ATL2: variants seen among roughly 807,000 people sequenced by gnomAD.
ATL2 encodes the protein atlastin GTPase 2.
ATL2 carries 31 observed loss-of-function variants against 73.9 expected under a neutral mutation model. The ratio of observed to expected loss-of-function variants is 0.42; its 90% CI spans 0.32 to 0.57. ATL2 has a LOEUF of 0.57. ATL2 is among the 20% of genes least tolerant of loss of function. The pLI, the probability that ATL2 is intolerant of heterozygous loss-of-function variation, is 0.14. For synonymous variants in ATL2, 291 were observed against 237.5 expected, an observed-to-expected ratio of 1.23 and a Z score of -2.07; for missense variants, 738 against 702.6, an observed-to-expected ratio of 1.05 and a Z score of -0.57.
intron 2 of ATL2, among the ~76,000 whole-genome samples, chr2:38,333,216 G>C (rs921900164): frequency 6.6e-6 from 1 of 151,902 alleles, no homozygotes; most frequent in Non-Finnish European, 1.5e-5. Context: ...CTGAGCCCAG[G>C]AGTTTGAGGC....
At chr2:38,332,862 G>T (rs1669079306) in intron 2 of ATL2, among the ~76,000 whole-genome samples, 1 of 152,096 alleles carries the variant, frequency 6.6e-6, no homozygotes, top group Non-Finnish European at 1.5e-5. Context: ...TATACAAAAT[G>T]TATCCTATTA....
chr2:38,304,079 C>T (rs1409989175), intron 9 of ATL2, among the ~76,000 whole-genome samples: 1 of 152,104 alleles, frequency 6.6e-6, no homozygotes, highest in African/African-American at 2.4e-5. Context: ...GCCTGTTAAA[C>T]ACAGCAAGGC....
chr2:38,366,416 T>C (rs1671333722), intron 1 of ATL2, among the ~76,000 whole-genome samples: 1 of 152,246 alleles, frequency 6.6e-6, no homozygotes, highest in Non-Finnish European at 1.5e-5. Context: ...CTCTATCTAA[T>C]TGCTTTTAAG....
upstream of ATL2, among the ~76,000 whole-genome samples, chr2:38,378,344 A>G (rs1316837647): frequency 6.6e-6 from 1 of 152,168 alleles, no homozygotes; most frequent in East Asian, 1.9e-4. Flanking sequence ...GGGTTCAAGC[A>G]ATTCTCTGCC....
At chr2:38,320,860 G>T (rs1052414711) in intron 2 of ATL2, among the ~76,000 whole-genome samples, 1 of 151,918 alleles carries the variant, frequency 6.6e-6, no homozygotes. Context: ...ACAAAACAGT[G>T]TCAGCCAGGC....
chr2:38,330,073 G>A (rs998663914), intron 2 of ATL2, among the ~76,000 whole-genome samples: 9 of 151,858 alleles, frequency 5.9e-5, no homozygotes, highest in Non-Finnish European at 1.2e-4. Context: ...AGGTTGCAGT[G>A]AGCCGAGATT....
intron 2 of ATL2, among the ~76,000 whole-genome samples, chr2:38,341,519 T>C (rs761245568): frequency 2.6e-5 from 4 of 152,112 alleles, no homozygotes; most frequent in Non-Finnish European, 4.4e-5. Context: ...ATGCCTGTAG[T>C]GCCAGCTACT....
intron 2 of ATL2, among the ~76,000 whole-genome samples, chr2:38,334,902 T>TTTATCATATATAAATATATTTATATA (rs1669241936): frequency 1.5e-5 from 1 of 65,320 alleles, no homozygotes; most frequent in African/African-American, 4.9e-5. Context: ...ATATATATTA[T>TTTATCATATATAAATATATTTATATA]TTATAATATA....
chr2:38,305,815 T>C (rs1667420349), intron 9 of ATL2, among the ~76,000 whole-genome samples: 3 of 151,828 alleles, frequency 2.0e-5, no homozygotes, highest in Non-Finnish European at 4.4e-5. Context: ...AATAAGTGCC[T>C]ACATCAAAAA....
intron 1 of ATL2, among the ~76,000 whole-genome samples, chr2:38,369,980 T>A (rs1671573352): frequency 6.8e-6 from 1 of 147,678 alleles, no homozygotes; most frequent in Non-Finnish European, 1.5e-5. Flanking sequence ...TGAAACCCCG[T>A]CTCTACTAAA....
At position 38,325,669 on chromosome 2, in the gene ATL2, C is replaced by CCAGT. The variant is rs1162666499; in HGVS notation, c.364-6651_364-6650insACTG. On this transcript the variant is annotated intron_variant, in intron 2 of 12. Coordinates refer to ENST00000378954, the MANE Select transcript of ATL2 (RefSeq NM_001135673.4). ...ACACACACACACACCAGTACACACA[C>CCAGT]ACACACACACACACACACACACACA... Among the ~76,000 whole-genome samples, 4 of 63,616 alleles carry CCAGT rather than the reference C, an allele frequency of 6.3e-5. 1 individual carries two copies. The highest frequency in any genetic ancestry group is 5.3e-4 in the South Asian group (1 of 1,888). 41.7% of individuals were successfully genotyped at this position (63,616 alleles called of 152,430 possible).
At chr2:38,313,052 C>T (rs551926038) in intron 7 of ATL2, 99 bp downstream of exon 7, 204 of 751,952 alleles carry the variant, frequency 2.7e-4, no homozygotes, top group Admixed American at 6.4e-4. Flanking sequence ...TTTATTCCAA[C>T]GACACGTAAA....
intron 1 of ATL2, among the ~76,000 whole-genome samples, chr2:38,366,787 C>G (rs1309483628): frequency 6.6e-6 from 1 of 152,118 alleles, no homozygotes; most frequent in Admixed American, 6.6e-5. Context: ...CTCAAAAGCC[C>G]TTTTATAAGG....
At position 38,294,021 on chromosome 2, in the gene ATL2, AT is replaced by A. The variant is rs1666748194; in HGVS notation, c.*1972del. Reference sequence around the variant, plus strand: ...CTATTATACAACAAATTATTTTTTCATTCATAAAAAACAGTCCACAGCATTC... The same window carrying A: ...CTATTATACAACAAATTATTTTTTCATCATAAAAAACAGTCCACAGCATTC... On this transcript the variant is annotated 3_prime_UTR_variant, in exon 13 of 13. Transcript: ENST00000378954. Among the ~76,000 whole-genome samples the A allele has an allele frequency of 6.6e-6, 1 of 152,048 alleles. No individual in the cohort carries two copies. The highest frequency in any genetic ancestry group is 2.4e-5 in the African/African-American group (1 of 41,446).
chr2:38,374,074 A>G (rs982854537), intron 1 of ATL2, among the ~76,000 whole-genome samples: 3 of 152,136 alleles, frequency 2.0e-5, no homozygotes, highest in African/African-American at 7.2e-5. Context: ...CATTTTTAGT[A>G]GAGAGGGGGT....
chr2:38,340,933 C>A (rs1669676766), intron 2 of ATL2, among the ~76,000 whole-genome samples: 1 of 152,226 alleles, frequency 6.6e-6, no homozygotes, highest in African/African-American at 2.4e-5. Flanking sequence ...ATAACCTTTG[C>A]ATGGCTTCTG....
chr2:38,370,607 T>A (rs1324259438), intron 1 of ATL2, among the ~76,000 whole-genome samples: 1 of 151,678 alleles, frequency 6.6e-6, no homozygotes, highest in Non-Finnish European at 1.5e-5. Context: ...CCGTCTCTAC[T>A]AAAAAATACA....
At chr2:38,320,366 T>A (rs989377788) in intron 2 of ATL2, among the ~76,000 whole-genome samples, 2 of 152,196 alleles carry the variant, frequency 1.3e-5, no homozygotes, top group African/African-American at 4.8e-5. Flanking sequence ...GCCTGGCATT[T>A]GCTTTAAAAT....
At chr2:38,300,425 C>A in intron 9 of ATL2, 97 bp from the exon 10 acceptor site, 1 of 777,438 alleles carries the variant, frequency 1.3e-6, no homozygotes, top group Non-Finnish European at 2.1e-6. Flanking sequence ...ATAATTAACA[C>A]CATTAAAAGT....
Sources: gnomAD v4.1 joint callset for allele counts (sites outside exome capture counted in the v4.1 genomes callset) on GRCh38, gnomAD v4.1.1 for gene constraint, MANE v1.5 for transcripts, NCBI Gene and HGNC (gene_info 2026-07-23, HGNC 2026-07-21) for gene names.